THSD7A: variants seen among roughly 807,000 people sequenced by gnomAD.
THSD7A encodes the protein thrombospondin type-1 domain-containing protein 7A.
A neutral mutation model predicts 231.3 loss-of-function variants in THSD7A; 96 were observed. The observed-to-expected ratio is 0.41, with a 90% CI of 0.35 to 0.49. The LOEUF is 0.49. THSD7A is among the 20% of genes least tolerant of loss of function. THSD7A has a pLI of 0.05. For missense variants in THSD7A, 2,290 were observed against 2,070.2 expected, an observed-to-expected ratio of 1.11 and a Z score of -2.06; for synonymous variants, 940 against 743.3, an observed-to-expected ratio of 1.26 and a Z score of -4.30.
intron 6 of THSD7A, among the ~76,000 whole-genome samples, chr7:11,484,347 C>A: frequency 6.6e-6 from 1 of 152,070 alleles, no homozygotes; most frequent in Admixed American, 6.6e-5. Context: ...GTTGTCTCAG[C>A]AGTTTTGCAC....
intron 23 of THSD7A, among the ~76,000 whole-genome samples, chr7:11,401,327 A>G (rs1008660760): frequency 1.3e-5 from 2 of 152,208 alleles, no homozygotes; most frequent in African/African-American, 4.8e-5. Context: ...GGGTGGCAGG[A>G]TGTTCCATCT....
chr7:11,552,810 T>G (rs1789686741), intron 4 of THSD7A, among the ~76,000 whole-genome samples: 1 of 152,062 alleles, frequency 6.6e-6, no homozygotes, highest in African/African-American at 2.4e-5. Context: ...CATAATAAGA[T>G]TAGGGCTGAG....
At chr7:11,426,028 T>G (rs1274501542) in intron 15 of THSD7A, among the ~76,000 whole-genome samples, 1 of 150,720 alleles carries the variant, frequency 6.6e-6, no homozygotes, top group Non-Finnish European at 1.5e-5. Flanking sequence ...CTGCACAATG[T>G]GCACATGTAC....
At chr7:11,416,230 C>T (rs1484291576) in intron 17 of THSD7A, among the ~76,000 whole-genome samples, 1 of 152,170 alleles carries the variant, frequency 6.6e-6, no homozygotes. Flanking sequence ...TATCCTTGAT[C>T]ATTTAATATA....
At chr7:11,459,199 C>T (rs769127838) in intron 11 of THSD7A, among the ~76,000 whole-genome samples, 2 of 150,900 alleles carry the variant, frequency 1.3e-5, no homozygotes, top group Non-Finnish European at 3.0e-5. Context: ...CCAAACCCCT[C>T]TTTTTTTTTA....
chr7:11,697,719 A>G (rs1780445931), intron 1 of THSD7A, among the ~76,000 whole-genome samples: 1 of 151,334 alleles, frequency 6.6e-6, no homozygotes, highest in Non-Finnish European at 1.5e-5. Context: ...GAGAGAAGCA[A>G]GTGTTATTAT....
intron 1 of THSD7A, among the ~76,000 whole-genome samples, chr7:11,696,374 T>C (rs1417997259): frequency 2.0e-5 from 3 of 151,542 alleles, no homozygotes; most frequent in Admixed American, 6.6e-5. Flanking sequence ...CTGGAAGATA[T>C]AAGGAAGTCA....
chr7:11,577,005 T>C (rs1165745247), intron 4 of THSD7A, among the ~76,000 whole-genome samples: 1 of 152,178 alleles, frequency 6.6e-6, no homozygotes, highest in Non-Finnish European at 1.5e-5. Context: ...AACAAGGCAT[T>C]GAGTCCATGT....
intron 1 of THSD7A, among the ~76,000 whole-genome samples, chr7:11,651,953 T>C (rs1199158356): frequency 6.6e-6 from 1 of 151,924 alleles, no homozygotes; most frequent in Non-Finnish European, 1.5e-5. Context: ...GTAGAAACCA[T>C]CTTCTCAGAA....
intron 6 of THSD7A, among the ~76,000 whole-genome samples, chr7:11,502,927 ATTC>A (rs1183025656): frequency 6.6e-6 from 1 of 152,190 alleles, no homozygotes; most frequent in Non-Finnish European, 1.5e-5. Context: ...CATCAATAAC[ATTC>A]TTGACATTCT....
intron 8 of THSD7A, among the ~76,000 whole-genome samples, chr7:11,472,968 C>T (rs1785998182): frequency 6.6e-6 from 1 of 152,110 alleles, no homozygotes; most frequent in South Asian, 2.1e-4. Context: ...TTGCTGTTAC[C>T]ACTTTTGAAT....
intron 2 of THSD7A, among the ~76,000 whole-genome samples, chr7:11,603,964 C>T (rs561359134): frequency 6.6e-5 from 10 of 150,792 alleles, no homozygotes; most frequent in South Asian, 6.3e-4. Flanking sequence ...ACCAGCATGG[C>T]GCATGTATAC....
intron 1 of THSD7A, among the ~76,000 whole-genome samples, chr7:11,812,203 G>A (rs139929036): frequency 1.7e-3 from 263 of 151,862 alleles, no homozygotes; most frequent in African/African-American, 6.2e-3. Context: ...TTTTTTGGGA[G>A]ACACACAGAT....
rs550246725 is a variant in THSD7A, at chr7:11,544,305, G to A, written c.1454-1188C>T. ...TGCAGGGAGCTGAAATCATGCCACT[G>A]CACTCCAGCCTGGCAACAGAGCGAG... On this transcript the variant is annotated intron_variant, in intron 4 of 27. Transcript: ENST00000423059. Among the ~76,000 whole-genome samples the A allele has an allele frequency of 1.5e-3, 223 of 152,040 alleles. 3 individuals are homozygous for A. The highest frequency in any genetic ancestry group is 5.2e-3 in the African/African-American group (214 of 41,458).
At chr7:11,800,262 A>G (rs879554827) in intron 1 of THSD7A, among the ~76,000 whole-genome samples, 1 of 152,034 alleles carries the variant, frequency 6.6e-6, no homozygotes, top group Non-Finnish European at 1.5e-5. Flanking sequence ...AAAACATCCT[A>G]TTTGAGCCAG....
chr7:11,525,844 T>G (rs1311187430), intron 6 of THSD7A, among the ~76,000 whole-genome samples: 1 of 152,176 alleles, frequency 6.6e-6, no homozygotes, highest in Non-Finnish European at 1.5e-5. Context: ...ACAAAGACTC[T>G]AAAACATATG....
In THSD7A at chr7:11,520,562, T is replaced by G. The variant is rs189312245; in HGVS notation, c.1822+20857A>C. ...ATATATCTTTGCATATGCCACAGTA[T>G]CATGCAAATATCAAGTGCTTGAAAA... On this transcript the variant is annotated intron_variant, in intron 6 of 27. Coordinates refer to ENST00000423059, the MANE Select transcript of THSD7A (RefSeq NM_015204.3). Among the ~76,000 whole-genome samples the G allele has an allele frequency of 1.8e-3, 281 of 152,318 alleles. 1 individual carries two copies. Among genetic ancestry groups the G allele is most frequent in the African/African-American group, 6.4e-3 (267 of 41,576 alleles).
At chr7:11,587,089 T>C (rs1779940161) in intron 4 of THSD7A, among the ~76,000 whole-genome samples, 2 of 152,202 alleles carry the variant, frequency 1.3e-5, no homozygotes, top group Admixed American at 6.5e-5. Flanking sequence ...TGGAAGAATT[T>C]CTTGAGTTAC....
intron 23 of THSD7A, among the ~76,000 whole-genome samples, chr7:11,389,526 G>A (rs546727525): frequency 1.7e-3 from 238 of 141,802 alleles, no homozygotes; most frequent in Non-Finnish European, 2.7e-3. Context: ...TTGCACGTGA[G>A]ATGGGTCTCC....
Sources: gnomAD v4.1 joint callset for allele counts (sites outside exome capture counted in the v4.1 genomes callset) on GRCh38, gnomAD v4.1.1 for gene constraint, MANE v1.5 for transcripts, NCBI Gene and HGNC (gene_info 2026-07-23, HGNC 2026-07-21) for gene names.